The following PROS1 variants were observed in gnomAD, a reference collection of about 807,000 sequenced individuals.
PROS1 encodes the protein vitamin K-dependent protein S.
PROS1 carries 29 observed loss-of-function variants against 75.9 expected under a neutral mutation model. The ratio of observed to expected loss-of-function variants is 0.38; its 90% confidence interval spans 0.28 to 0.52. The LOEUF (loss-of-function observed/expected upper bound fraction) is 0.52. Among genes scored for constraint, PROS1 ranks in the 20% least tolerant of loss-of-function variants. The pLI is 0.83. For synonymous variants in PROS1, 245 were observed against 280.6 expected (o/e 0.87, Z 1.27); for missense variants, 680 against 810.3 (o/e 0.84, Z 1.95).
chr3:93,904,070 G>T (rs1708637565), intron 6 of PROS1, among the ~76,000 whole-genome samples: 1 of 148,470 alleles, frequency 6.7e-6, no homozygotes, highest in Non-Finnish European at 1.5e-5. Context: ...GCGGTGTTTG[G>T]TTTTTTGTTC....
intron 3 of PROS1, among the ~76,000 whole-genome samples, chr3:93,912,592 G>A (rs956236060): frequency 2.0e-5 from 3 of 152,024 alleles, no homozygotes; most frequent in African/African-American, 7.2e-5. Flanking sequence ...ACTTTGTGTT[G>A]CTATAACAAA....
intron 1 of PROS1, among the ~76,000 whole-genome samples, chr3:93,955,983 C>T (rs868118329): frequency 3.3e-5 from 5 of 152,188 alleles, no homozygotes; most frequent in Middle Eastern, 3.4e-3. Context: ...GACTATATAA[C>T]AGAAGATTTA....
chr3:93,963,758 A>T (rs2107264286), intron 1 of PROS1, among the ~76,000 whole-genome samples: 1 of 152,254 alleles, frequency 6.6e-6, no homozygotes, highest in South Asian at 2.1e-4. Context: ...TGTGAATCTC[A>T]TATGAGAAGT....
At chr3:93,886,555 T>C in intron 10 of PROS1, 52 bp from the exon 11 acceptor site, 2 of 1,356,248 alleles carry the variant, frequency 1.5e-6, no homozygotes, top group Non-Finnish European at 2.1e-6. Context: ...TACATGTCAT[T>C]TGAAATACTG....
intron 1 of PROS1, chr3:93,967,855 C>T (rs983692173): frequency 7.9e-5 from 12 of 152,128 alleles, no homozygotes; most frequent in African/African-American, 2.7e-4. Flanking sequence ...TGCTACTGCA[C>T]TCCTCCAGCC....
At chr3:93,929,034 G>A (rs1204797687) in intron 1 of PROS1, among the ~76,000 whole-genome samples, 2 of 152,162 alleles carry the variant, frequency 1.3e-5, no homozygotes, top group African/African-American at 4.8e-5. Flanking sequence ...AGGTATTTTG[G>A]TAAAATTTAA....
intron 3 of PROS1, among the ~76,000 whole-genome samples, chr3:93,920,200 C>A (rs1279716075): frequency 6.6e-6 from 1 of 151,628 alleles, no homozygotes; most frequent in Non-Finnish European, 1.5e-5. Context: ...GAGTTTGAGA[C>A]CAGTGTGGGC....
chr3:93,928,721 A>G, intron 1 of PROS1: 1 of 1,287,998 alleles, frequency 7.8e-7, no homozygotes, highest in Non-Finnish European at 1.0e-6. Context: ...AATAGAAAAA[A>G]TTGCATCCAG....
chr3:93,957,185 T>C (rs1252502885), intron 1 of PROS1, among the ~76,000 whole-genome samples: 1 of 152,158 alleles, frequency 6.6e-6, no homozygotes, highest in African/African-American at 2.4e-5. Flanking sequence ...AGACTTTAAC[T>C]TACTGATACA....
At chr3:93,894,473 A>G (rs8178639) in intron 9 of PROS1, among the ~76,000 whole-genome samples, 2,380 of 152,286 alleles carry the variant, frequency 0.016, 79 homozygotes, top group African/African-American at 0.054. Flanking sequence ...GCCAAAATCC[A>G]AATCTGTGTA....
intron 12 of PROS1, among the ~76,000 whole-genome samples, chr3:93,883,212 A>C (rs1708297315): frequency 6.6e-6 from 1 of 152,168 alleles, no homozygotes. Context: ...GCACTCTGCT[A>C]GGGGTGGGCA....
At chr3:93,911,661 A>C (rs1248175862) in intron 3 of PROS1, among the ~76,000 whole-genome samples, 1 of 152,122 alleles carries the variant, frequency 6.6e-6, no homozygotes, top group Non-Finnish European at 1.5e-5. Context: ...CTCTCTTTCC[A>C]TATGATAGAT....
intron 14 of PROS1, among the ~76,000 whole-genome samples, chr3:93,875,130 G>C (rs1401605867): frequency 1.3e-5 from 2 of 151,920 alleles, no homozygotes. Context: ...TACTATGACT[G>C]TGAGCTCATA....
intron 3 of PROS1, among the ~76,000 whole-genome samples, chr3:93,915,849 T>C (rs1708838474): frequency 6.6e-6 from 1 of 152,262 alleles, no homozygotes; most frequent in Middle Eastern, 3.4e-3. Context: ...CTTCCTAGCC[T>C]GCTCCTCCAG....
chr3:93,971,574 T>A (rs1709881771), intron 1 of PROS1, among the ~76,000 whole-genome samples: 1 of 150,252 alleles, frequency 6.7e-6, no homozygotes, highest in African/African-American at 2.5e-5. Context: ...AAGACCAGCC[T>A]AGGCAATATG....
At chr3:93,883,813 G>C (rs1708308311) in intron 12 of PROS1, among the ~76,000 whole-genome samples, 1 of 151,926 alleles carries the variant, frequency 6.6e-6, no homozygotes, top group Admixed American at 6.6e-5. Flanking sequence ...AGCCGGGCGT[G>C]GTGGCGGGCG....
intron 11 of PROS1, 89 bp downstream of exon 11, chr3:93,886,247 T>C: frequency 8.0e-7 from 1 of 1,244,814 alleles, no homozygotes. Flanking sequence ...CAAAACAACT[T>C]CTATTGATTC....
intron 13 of PROS1, among the ~76,000 whole-genome samples, chr3:93,877,969 C>T (rs551158800): frequency 3.3e-5 from 5 of 152,144 alleles, no homozygotes; most frequent in Non-Finnish European, 7.4e-5. Flanking sequence ...TGTACATGTC[C>T]GTATCCTTAA....
At chr3:93,960,744 CATCTT>C (rs1576218417) in intron 1 of PROS1, among the ~76,000 whole-genome samples, 1 of 151,274 alleles carries the variant, frequency 6.6e-6, no homozygotes, top group East Asian at 1.9e-4. Flanking sequence ...CTTCATAGAC[CATCTT>C]ATCTTAACTA....
Sources: gnomAD v4.1 joint callset for allele counts (sites outside exome capture counted in the v4.1 genomes callset) on GRCh38, gnomAD v4.1.1 for gene constraint, MANE v1.5 for transcripts, NCBI Gene and HGNC (gene_info 2026-07-23, HGNC 2026-07-21) for gene names.